The following PWWP2B variants were observed in gnomAD, a reference collection of about 807,000 sequenced individuals.
PWWP2B encodes the protein PWWP domain-containing protein 2B.
Under a neutral mutation model 15.5 loss-of-function variants are expected in PWWP2B, and 9 were observed. The ratio of observed to expected loss-of-function variants is 0.58; its 90% CI spans 0.35 to 1.02. The LOEUF (loss-of-function observed/expected upper bound fraction) is 1.02, where lower values mean the gene tolerates loss of function less well. Ranked by LOEUF, PWWP2B falls within the 50% of genes least tolerant of loss-of-function variation. The pLI, the probability that PWWP2B is intolerant of heterozygous loss-of-function variation, is 0.02. For synonymous variants in PWWP2B, 474 were observed against 403.6 expected (o/e 1.17, Z -2.09); for missense variants, 864 against 865.3 (o/e 1.00, Z 0.02).
At chr10:132,402,621 C>T (rs2069628360) in intron 1 of PWWP2B, among the ~76,000 whole-genome samples, 2 of 152,136 alleles carry the variant, frequency 1.3e-5, no homozygotes, top group South Asian at 4.1e-4. Flanking sequence ...ACAAGGTGCT[C>T]ATGGAAGATG....
At chr10:132,404,417 A>G (rs1363482775) in intron 1 of PWWP2B, among the ~76,000 whole-genome samples, 1 of 152,142 alleles carries the variant, frequency 6.6e-6, no homozygotes, top group African/African-American at 2.4e-5. Context: ...TGGAAGGCAC[A>G]TGTCTTGCCC....
chr10:132,407,403 G>A (rs959310674), intron 2 of PWWP2B, among the ~76,000 whole-genome samples: 15 of 152,224 alleles, frequency 9.9e-5, no homozygotes, highest in East Asian at 1.9e-4. Flanking sequence ...CCTTGGTGAC[G>A]TCTGGTGACC....
At chr10:132,410,641 C>T (rs948359328) in intron 2 of PWWP2B, among the ~76,000 whole-genome samples, 11 of 152,060 alleles carry the variant, frequency 7.2e-5, no homozygotes, top group Non-Finnish European at 1.6e-4. Flanking sequence ...GACACCTGGT[C>T]CTGGGAGCCG....
rs1167193072 is a variant in PWWP2B, at chr10:132,405,831, G to A, written c.1331G>A (p.Gly444Asp). 1 of 1,609,814 alleles carries A rather than the reference G, an allele frequency of 6.2e-7. No homozygotes were observed. The highest frequency in any genetic ancestry group is 1.3e-5 in the African/African-American group (1 of 74,940). Residue 444 changes from glycine (G) to aspartate (D), a missense_variant, in exon 2 of 3, where the codon GGT (glycine) becomes GAT (aspartate). This residue lies in a region of PWWP2B where 736 missense variants were observed against 687.7 expected (regional missense o/e 1.07). Transcript: ENST00000305233. Reference protein sequence around the residue: ...SGSEGTPADTGDLSPGHGASA... With the variant: ...SGSEGTPADTDDLSPGHGASA... ...TCGGAAGGGACGCCGGCAGACACGG[G>A]TGACCTCTCGCCTGGCCACGGCGCG...
At chr10:132,408,351 C>G (rs1050983390) in intron 2 of PWWP2B, among the ~76,000 whole-genome samples, 1 of 152,196 alleles carries the variant, frequency 6.6e-6, no homozygotes, top group Non-Finnish European at 1.5e-5. Context: ...GTGTCAGCAG[C>G]GCACCTCTGG....
At position 132,405,553 on chromosome 10, in the gene PWWP2B, C is replaced by T. The variant is rs750300962; in HGVS notation, c.1053C>T (p.Ala351=). 9 of 1,605,590 alleles carry T rather than the reference C, an allele frequency of 5.6e-6. No homozygotes were observed. The highest frequency in any genetic ancestry group is 5.0e-5 in the Admixed American group (3 of 59,912). ...GDSEHEPVYR[A]ELVGELNGYL... is the part of the protein sequence containing the mutation. ...GCGAGCACGAGCCCGTGTACCGGGC[C>T]GAGCTGGTGGGGGAGCTGAACGGGT... is the stretch of plus-strand genomic sequence containing the variant. The change falls in exon 2 of 3, where the codon GCC becomes GCT. Residue 351 remains alanine, a synonymous_variant. Transcript: ENST00000305233.
At chr10:132,400,635 C>G (rs1283972800) in intron 1 of PWWP2B, among the ~76,000 whole-genome samples, 1 of 152,210 alleles carries the variant, frequency 6.6e-6, no homozygotes, top group African/African-American at 2.4e-5. Flanking sequence ...CCTGACCTGC[C>G]CGCCCTTTTC....
chr10:132,404,861 T>A lies in PWWP2B; in HGVS notation c.361T>A (p.Phe121Ile), dbSNP rs1270135454. 2 of 1,472,994 alleles carry A rather than the reference T, an allele frequency of 1.4e-6. No individual in the cohort carries two copies. Among genetic ancestry groups the A allele is most frequent in the Non-Finnish European group, 1.8e-6 (2 of 1,103,622 alleles). The allele number at this position is 1,472,994 out of a possible 1,614,324, so 91.2% of individuals were successfully genotyped here. ...AAGCCTGCCCCCGTACCCTCCCTAC[T>A]TCGAAGGCGCCCCCTTCCCTCACCC... ...AGSLPPYPPY[F>I]EGAPFPHPLW... The change falls in exon 2 of 3, where the codon TTC becomes ATC. Residue 121 changes from phenylalanine (F) to isoleucine (I), a missense_variant. Around this residue, in one of 2 missense-constraint regions of PWWP2B, gnomAD observed 736 missense variants for 687.7 expected, o/e 1.07. Transcript: ENST00000305233.
chr10:132,416,729 C>T lies in PWWP2B; in HGVS notation c.*17-332C>T, dbSNP rs192934416. ...TGGGGGTCCTTCCACACCATGAGCC[C>T]GGCACAGGCATGGTCGTCAGCCCCC... is the stretch of plus-strand genomic sequence containing the variant. On this transcript the variant is annotated intron_variant, in intron 2 of 2. Transcript: ENST00000305233. Among the ~76,000 whole-genome samples, 33 of 152,206 alleles carry T rather than the reference C, an allele frequency of 2.2e-4. No homozygotes were observed. The East Asian group carries it at 4.8e-3, about 22-fold the overall frequency.
intron 1 of PWWP2B, among the ~76,000 whole-genome samples, chr10:132,398,483 C>T (rs1384532419): frequency 6.6e-6 from 1 of 152,226 alleles, no homozygotes; most frequent in Non-Finnish European, 1.5e-5. Context: ...CAGGGTTGGG[C>T]TTGGTCCTGG....
Position 132,404,803 on chromosome 10 carries a change from A to ACCCCCCCC in PWWP2B, c.308_309insCCCCCCCC (p.Leu105ProfsTer84). The ACCCCCCCC allele has an allele frequency of 1.3e-6, 1 of 760,066 alleles. No homozygotes were observed. The highest frequency in any genetic ancestry group is 1.8e-6 in the Non-Finnish European group (1 of 540,708). The allele number at this position is 760,066 out of a possible 1,614,324, so 47.1% of individuals were successfully genotyped here. A position where few individuals can be genotyped will look rare whatever the true frequency, so the allele number is the denominator to read the frequency against. On this transcript the variant is annotated frameshift_variant, in exon 2 of 3. Coordinates refer to ENST00000305233, the MANE Select transcript of PWWP2B (RefSeq NM_138499.4). LOFTEE classifies it high-confidence loss of function. ...CCCCCGAGACCACCCGCCCCGAGCC[A>ACCCCCCCC]CCCCCGCCCCTCGTGCCGCCGCTGC...
chr10:132,415,843 C>T (rs1383893848), intron 2 of PWWP2B, among the ~76,000 whole-genome samples: 4 of 152,236 alleles, frequency 2.6e-5, no homozygotes, highest in Non-Finnish European at 4.4e-5. Context: ...CCTTTCTTCT[C>T]TGTAGCATTG....
intron 2 of PWWP2B, among the ~76,000 whole-genome samples, chr10:132,410,366 G>A (rs961378234): frequency 2.0e-5 from 3 of 152,216 alleles, no homozygotes; most frequent in Admixed American, 1.3e-4. Flanking sequence ...AATGCTTGGC[G>A]GGGAGCTCCA....
At chr10:132,408,915 G>A (rs1047201519) in intron 2 of PWWP2B, among the ~76,000 whole-genome samples, 27 of 152,252 alleles carry the variant, frequency 1.8e-4, no homozygotes, top group Non-Finnish European at 2.4e-4. Flanking sequence ...CACAAGGGAC[G>A]GGCACATCGG....
At chr10:132,412,695 C>T (rs913839640) in intron 2 of PWWP2B, among the ~76,000 whole-genome samples, 1 of 152,228 alleles carries the variant, frequency 6.6e-6, no homozygotes, top group African/African-American at 2.4e-5. Flanking sequence ...GGAATTCTTG[C>T]AGAAAAGCCT....
chr10:132,417,183 G>A lies in PWWP2B; in HGVS notation c.*139G>A. The A allele has an allele frequency of 2.3e-6, 3 of 1,292,122 alleles. No individual in the cohort carries two copies. Among genetic ancestry groups the A allele is most frequent in the South Asian group, 2.4e-5 (2 of 84,000 alleles). 80.0% of individuals were successfully genotyped at this position (1,292,122 alleles called of 1,614,324 possible). ...GGCACGGTGGTCGGCCTGGTGTGAG[G>A]CCCCCCGGGGACCGGCAGTGTGTCC... On this transcript the variant is annotated 3_prime_UTR_variant, in exon 3 of 3. Coordinates refer to ENST00000305233, the MANE Select transcript of PWWP2B (RefSeq NM_138499.4).
intron 1 of PWWP2B, among the ~76,000 whole-genome samples, chr10:132,402,546 T>C (rs1275383448): frequency 2.0e-5 from 3 of 152,254 alleles, no homozygotes; most frequent in Non-Finnish European, 4.4e-5. Context: ...TGCATGCACA[T>C]GGACGTGCTT....
chr10:132,397,326 G>A lies in PWWP2B; in HGVS notation c.100G>A (p.Gly34Arg). The stretch of plus-strand genomic sequence containing the variant: ...GAGCTGCGGCGAGCGGAGCTTCGCG[G>A]GGATCCTGCTGGACTGCACGAAAAA... ...TVSCGERSFA[G>R]ILLDCTKKSG... Residue 34 changes from glycine to arginine, a missense_variant, in exon 1 of 3, where the codon GGG becomes AGG. By Grantham distance (125) the Gly-to-Arg change is moderately radical. Coordinates refer to ENST00000305233, the MANE Select transcript of PWWP2B (RefSeq NM_138499.4). The A allele has an allele frequency of 7.0e-7, 1 of 1,432,680 alleles. No individual in the cohort carries two copies. Among genetic ancestry groups the A allele is most frequent in the Non-Finnish European group, 9.2e-7 (1 of 1,082,836 alleles). The allele number at this position is 1,432,680 out of a possible 1,614,324, so 88.7% of individuals were successfully genotyped here. A position where few individuals can be genotyped will look rare whatever the true frequency, so the allele number is the denominator to read the frequency against.
intron 2 of PWWP2B, among the ~76,000 whole-genome samples, chr10:132,409,302 G>T (rs892687269): frequency 3.9e-5 from 6 of 152,236 alleles, no homozygotes; most frequent in Non-Finnish European, 5.9e-5. Context: ...GACCCCATGG[G>T]ATTAGAGCTG....
Sources: gnomAD v4.1 joint callset for allele counts (sites outside exome capture counted in the v4.1 genomes callset) on GRCh38, gnomAD v4.1.1 for gene constraint, gnomAD v4.1.1 regional missense constraint, MANE v1.5 for transcripts, NCBI Gene and HGNC (gene_info 2026-07-23, HGNC 2026-07-21) for gene names.